The following RTL4 variants were observed in gnomAD, a reference collection of about 807,000 sequenced individuals.
RTL4 encodes the protein retrotransposon Gag like 4, also known as retrotransposon Gag-like protein 4.
In RTL4, 4 loss-of-function variants were observed where a neutral mutation model predicts 5.3. That is an observed-to-expected ratio of 0.75 (90% CI 0.37 to 1.72). RTL4 has a LOEUF of 1.72. Among genes scored for constraint, RTL4 ranks in the 40% most tolerant of loss-of-function variants. The pLI is 0.04. For synonymous variants in RTL4, 98 were observed against 87.3 expected (o/e 1.12, Z -0.68); for missense variants, 260 against 227.1 (o/e 1.14, Z -0.93).
chrX:112,445,608 C>T, the RTL4 span, among the ~76,000 whole-genome samples: 1 of 111,707 alleles, frequency 9.0e-6, no homozygotes, highest in African/African-American at 3.2e-5. Flanking sequence ...GTAATCAACA[C>T]ATTCTTATAT....
chrX:112,265,852 C>T, the RTL4 span, among the ~76,000 whole-genome samples: 4 of 109,312 alleles, frequency 3.7e-5, no homozygotes, highest in South Asian at 4.1e-4. Flanking sequence ...GTAACCACCT[C>T]CCAATTCTGT....
chrX:112,417,899 G>A, the RTL4 span, among the ~76,000 whole-genome samples: 27 of 112,005 alleles, frequency 2.4e-4, no homozygotes, highest in Non-Finnish European at 5.1e-4. Flanking sequence ...TGTAATCCCA[G>A]CACTTTAGGA....
chrX:112,314,836 C>G, the RTL4 span, among the ~76,000 whole-genome samples: 1 of 111,515 alleles, frequency 9.0e-6, no homozygotes, highest in African/African-American at 3.3e-5. Context: ...TGCACACTAT[C>G]TCTGACCAAG....
chrX:112,311,581 T>G, the RTL4 span, among the ~76,000 whole-genome samples: 2 of 111,130 alleles, frequency 1.8e-5, no homozygotes, highest in African/African-American at 3.3e-5. Context: ...CCTCCTCCCC[T>G]GCCTGCTGTA....
the RTL4 span, among the ~76,000 whole-genome samples, chrX:112,089,967 T>C: frequency 9.0e-6 from 1 of 111,573 alleles, no homozygotes; most frequent in Non-Finnish European, 1.9e-5. Flanking sequence ...ACCTTCTTGA[T>C]TAAATTTATT....
the RTL4 span, among the ~76,000 whole-genome samples, chrX:112,361,107 C>A: frequency 9.0e-6 from 1 of 111,304 alleles, no homozygotes; most frequent in Non-Finnish European, 1.9e-5. Flanking sequence ...ACACACACAA[C>A]CTTACGCAAA....
the RTL4 span, among the ~76,000 whole-genome samples, chrX:112,319,538 A>G: frequency 8.9e-6 from 1 of 111,954 alleles, no homozygotes; most frequent in Non-Finnish European, 1.9e-5. Context: ...TTTTAAATAT[A>G]TAGTTCTATG....
chrX:112,387,941 TTTCTAG>T, the RTL4 span, among the ~76,000 whole-genome samples: 1 of 112,449 alleles, frequency 8.9e-6, no homozygotes, highest in East Asian at 2.8e-4. Context: ...AAATAGGTTT[TTTCTAG>T]TTCTATGAAG....
At chrX:112,450,732 A>G (rs777711448), upstream of RTL4, among the ~76,000 whole-genome samples, 1 of 112,239 alleles carries the variant, frequency 8.9e-6, no homozygotes, top group South Asian at 3.7e-4. Flanking sequence ...ATAATTCTGT[A>G]AAGAAACAGA....
At chrX:112,149,379 A>G in the RTL4 span, among the ~76,000 whole-genome samples, 1 of 111,982 alleles carries the variant, frequency 8.9e-6, no homozygotes, top group Admixed American at 9.5e-5. Flanking sequence ...GAAGTATTAC[A>G]TCAGAAGTAT....
the RTL4 span, among the ~76,000 whole-genome samples, chrX:112,243,302 T>C: frequency 9.9e-5 from 11 of 111,308 alleles, no homozygotes; most frequent in Admixed American, 1.1e-3. Context: ...TCTGGTAGAA[T>C]TCGGCTGTGA....
At chrX:112,320,698 C>T in the RTL4 span, among the ~76,000 whole-genome samples, 1 of 111,303 alleles carries the variant, frequency 9.0e-6, no homozygotes, top group East Asian at 2.8e-4. Flanking sequence ...ATAAGAGCTT[C>T]TTCACTCTAA....
the RTL4 span, among the ~76,000 whole-genome samples, chrX:112,243,833 T>C: frequency 2.7e-5 from 3 of 112,022 alleles, no homozygotes; most frequent in Non-Finnish European, 5.6e-5. Flanking sequence ...TGTGGGCATT[T>C]AGTGCTATAA....
At chrX:112,407,626 T>C in the RTL4 span, among the ~76,000 whole-genome samples, 1 of 112,488 alleles carries the variant, frequency 8.9e-6, no homozygotes, top group African/African-American at 3.2e-5. Flanking sequence ...TGCCACCTGC[T>C]GATTGTACAG....
the RTL4 span, among the ~76,000 whole-genome samples, chrX:112,246,627 G>A: frequency 3.8e-4 from 42 of 111,517 alleles, no homozygotes; most frequent in African/African-American, 1.3e-3. Context: ...AGTCTTTCAC[G>A]GCTTCCCTTG....
the RTL4 span, among the ~76,000 whole-genome samples, chrX:112,166,197 C>T: frequency 9.0e-6 from 1 of 111,713 alleles, no homozygotes; most frequent in Non-Finnish European, 1.9e-5. Flanking sequence ...GACTCTGAGT[C>T]CACTAATTGG....
At chrX:112,109,656 A>G in the RTL4 span, among the ~76,000 whole-genome samples, 3 of 111,857 alleles carry the variant, frequency 2.7e-5, no homozygotes, top group South Asian at 1.1e-3. Context: ...TCCTAGCTAT[A>G]GAGTGCTGAT....
At chrX:112,312,980 G>A in the RTL4 span, among the ~76,000 whole-genome samples, 1 of 111,098 alleles carries the variant, frequency 9.0e-6, no homozygotes, top group Non-Finnish European at 1.9e-5. Context: ...CCTGACCACC[G>A]TCAGGGAGTG....
the RTL4 span, among the ~76,000 whole-genome samples, chrX:112,114,634 A>T: frequency 0.16 from 17,844 of 110,699 alleles, 2,182 homozygotes; most frequent in African/African-American, 0.42. Context: ...GAAGGGGACA[A>T]AACTGATAGA....
Sources: allele counts gnomAD v4.1 joint callset (sites outside exome capture counted in the v4.1 genomes callset), GRCh38; gene constraint gnomAD v4.1.1; transcripts MANE v1.5; gene names NCBI Gene and HGNC (gene_info 2026-07-23, HGNC 2026-07-21).